ITPKB: variants seen among roughly 807,000 people sequenced by gnomAD.
ITPKB encodes the protein inositol-trisphosphate 3-kinase B.
ITPKB carries 13 observed loss-of-function variants against 69.4 expected under a neutral mutation model. The ratio of observed to expected loss-of-function variants is 0.19; its 90% CI spans 0.12 to 0.30. The LOEUF is 0.30. ITPKB is among the 10% of genes least tolerant of loss of function. The pLI is 1.00. For synonymous variants in ITPKB, 584 were observed against 513.7 expected (o/e 1.14, Z -1.85); for missense variants, 1,240 against 1,250.5 (o/e 0.99, Z 0.13).
chr1:226,647,943 C>T (rs1050213382), intron 3 of ITPKB, among the ~76,000 whole-genome samples: 6 of 152,186 alleles, frequency 3.9e-5, no homozygotes, highest in South Asian at 4.1e-4. Context: ...ACGAGGTAAG[C>T]GAAATGCGGG....
At chr1:226,665,164 C>G (rs1011984624) in intron 2 of ITPKB, among the ~76,000 whole-genome samples, 6 of 152,232 alleles carry the variant, frequency 3.9e-5, no homozygotes, top group African/African-American at 1.4e-4. Flanking sequence ...GACAGCGGCC[C>G]CTGCCTGGGG....
rs1657898391 is a variant in ITPKB at position 226,738,712 on chromosome 1, CTT to C, written c.-206+327_-206+328del. Among the ~76,000 whole-genome samples the C allele has an allele frequency of 6.6e-6, 1 of 152,164 alleles. No homozygotes were observed. The highest frequency in any genetic ancestry group is 2.4e-5 in the African/African-American group (1 of 41,440). On this transcript the variant is annotated intron_variant, in intron 1 of 7. Coordinates refer to ENST00000429204, the MANE Select transcript of ITPKB (RefSeq NM_002221.4). This position sits in a 1 kb window ranked among gnomAD's most constrained non-coding sequence, Gnocchi z 4.2. Reference sequence around the variant, plus strand: ...CAGGGCAGCGCCGCGGAGCGCAGGGCTTCTCCGCATCCCGGGCAGCCTCGCCC... The same window carrying C: ...CAGGGCAGCGCCGCGGAGCGCAGGGCCTCCGCATCCCGGGCAGCCTCGCCC...
chr1:226,705,719 A>C (rs1656784229), intron 2 of ITPKB, among the ~76,000 whole-genome samples: 1 of 152,138 alleles, frequency 6.6e-6, no homozygotes, highest in Non-Finnish European at 1.5e-5. Flanking sequence ...GCTGGCCTCC[A>C]CAGTTGGAGG....
chr1:226,658,929 T>C (rs553310150), intron 2 of ITPKB, among the ~76,000 whole-genome samples: 42 of 152,208 alleles, frequency 2.8e-4, no homozygotes, highest in Admixed American at 9.2e-4. Flanking sequence ...CTAGCTAAAC[T>C]AGCTCCAGGT....
At chr1:226,714,919 G>A (rs1657059905) in intron 2 of ITPKB, among the ~76,000 whole-genome samples, 1 of 152,226 alleles carries the variant, frequency 6.6e-6, no homozygotes, top group African/African-American at 2.4e-5. Flanking sequence ...GAGACATCTG[G>A]TTGTCACAAA....
chr1:226,665,498 C>T (rs1669479121), intron 2 of ITPKB, among the ~76,000 whole-genome samples: 1 of 152,202 alleles, frequency 6.6e-6, no homozygotes, highest in African/African-American at 2.4e-5. Context: ...TGAACACACA[C>T]CATGCAAGTA....
intron 2 of ITPKB, among the ~76,000 whole-genome samples, chr1:226,700,494 A>AC (rs1656612395): frequency 6.9e-6 from 1 of 144,802 alleles, no homozygotes; most frequent in African/African-American, 2.5e-5. Flanking sequence ...AAAAAAAAAA[A>AC]AACCCAGAAC....
At chr1:226,727,936 T>G (rs1313195591) in intron 2 of ITPKB, among the ~76,000 whole-genome samples, 2 of 152,200 alleles carry the variant, frequency 1.3e-5, no homozygotes, top group African/African-American at 4.8e-5. Context: ...TCATTTTCCC[T>G]TTCCACCCAG....
At chr1:226,706,020 AGG>A (rs1439299394) in intron 2 of ITPKB, among the ~76,000 whole-genome samples, 3 of 152,326 alleles carry the variant, frequency 2.0e-5, no homozygotes, top group Non-Finnish European at 2.9e-5. Flanking sequence ...AAGCTGCTAA[AGG>A]GCTGGAAGAG....
At position 226,738,186 on chromosome 1, in the gene ITPKB, T is replaced by C. The variant is rs899607684; in HGVS notation, c.-205-523A>G. Among the ~76,000 whole-genome samples the C allele has an allele frequency of 1.7e-4, 26 of 152,150 alleles. No individual in the cohort carries two copies. The highest frequency in any genetic ancestry group is 6.3e-4 in the African/African-American group (26 of 41,518). On this transcript the variant is annotated intron_variant, in intron 1 of 7. Transcript: ENST00000429204. The surrounding 1 kb of genome is among the most constrained non-coding windows in gnomAD (Gnocchi z 4.2). The stretch of plus-strand genomic sequence containing the variant: ...GCTCGGAGGGAACCTAAGCGGGACC[T>C]GCCTTGCCCGAGCCGCTGCCAGCGC...
intron 2 of ITPKB, among the ~76,000 whole-genome samples, chr1:226,687,520 T>C (rs1239146969): frequency 1.3e-5 from 2 of 152,192 alleles, no homozygotes; most frequent in South Asian, 2.1e-4. Context: ...GGAACAGCTT[T>C]TTCCACTGAG....
Position 226,737,183 on chromosome 1 carries a change from GCTGCCGCTGCCA to G in ITPKB, c.264_275del (p.Gly89_Ser92del), listed in dbSNP as rs747334397. On this transcript the variant is annotated inframe_deletion, in exon 2 of 8. Transcript: ENST00000429204. ...TTGGGCTGCTCACGCTACTGCCGCT[GCTGCCGCTGCCA>G]CTGCCGCTGCTACTATTCAGCCTGC... is the stretch of plus-strand genomic sequence containing the variant. 46 of 822,830 alleles carry G rather than the reference GCTGCCGCTGCCA, an allele frequency of 5.6e-5. No individual in the cohort carries two copies. The highest frequency in any genetic ancestry group is 3.6e-4 in the African/African-American group (15 of 41,890). The allele number at this position is 822,830 out of a possible 1,614,324, so 51.0% of individuals were successfully genotyped here.
intron 2 of ITPKB, among the ~76,000 whole-genome samples, chr1:226,654,679 G>GA (rs1669255892): frequency 6.6e-6 from 1 of 152,192 alleles, no homozygotes; most frequent in Non-Finnish European, 1.5e-5. Flanking sequence ...GGGAGGGTCT[G>GA]ATTCTGTGTG....
rs1462974438 is a variant in ITPKB, at chr1:226,736,889, G to T, written c.570C>A (p.Val190=). ...FRSSSQPPGR[V]LVQGARSEER... Reference sequence around the variant, plus strand: ...CCTCGCTCCGGGCGCCCTGAACCAGGACCCTTCCAGGGGGCTGACTGCTGC... The same window carrying T: ...CCTCGCTCCGGGCGCCCTGAACCAGTACCCTTCCAGGGGGCTGACTGCTGC... Residue 190 remains valine, a synonymous_variant, in exon 2 of 8, where the codon GTC becomes GTA. Transcript: ENST00000429204. 6.2e-7 allele frequency: 1 copy of T among 1,610,452 alleles called. No homozygotes were observed.
intron 2 of ITPKB, among the ~76,000 whole-genome samples, chr1:226,717,679 C>T (rs534052895): frequency 2.0e-5 from 3 of 152,324 alleles, no homozygotes; most frequent in South Asian, 2.1e-4. Context: ...CCTGTGGAGA[C>T]GGAGCTGGGA....
chr1:226,648,264 A>G (rs114833308), intron 3 of ITPKB, among the ~76,000 whole-genome samples: 1,837 of 152,342 alleles, frequency 0.012, 42 homozygotes, highest in African/African-American at 0.042. Flanking sequence ...ATGGCAATTT[A>G]GGCACACAGT....
At chr1:226,673,299 A>T (rs1181592579) in intron 2 of ITPKB, among the ~76,000 whole-genome samples, 1 of 152,132 alleles carries the variant, frequency 6.6e-6, no homozygotes, top group African/African-American at 2.4e-5. Flanking sequence ...GCTTGAACAC[A>T]GGGGTAGAGG....
chr1:226,653,988 G>A (rs890706803), intron 2 of ITPKB, among the ~76,000 whole-genome samples: 1 of 152,164 alleles, frequency 6.6e-6, no homozygotes, highest in African/African-American at 2.4e-5. Context: ...AGAGAGTCTC[G>A]TGCTGAACTC....
intron 2 of ITPKB, chr1:226,656,950 T>A (rs943886478): frequency 1.3e-5 from 2 of 152,276 alleles, no homozygotes. Flanking sequence ...CTGTGTCTAT[T>A]TTCTTAAATT....
Sources: gnomAD v4.1 joint callset for allele counts (sites outside exome capture counted in the v4.1 genomes callset) on GRCh38, gnomAD v4.1.1 for gene constraint, Gnocchi (gnomAD v3.1) non-coding constraint, MANE v1.5 for transcripts, NCBI Gene and HGNC (gene_info 2026-07-23, HGNC 2026-07-21) for gene names.